Variants in NSMCE2 observed in about 807,000 individuals in gnomAD.
NSMCE2 encodes the protein NSE2 SUMO ligase component of SMC5/6 complex.
In NSMCE2, 24 loss-of-function variants were observed where a neutral mutation model predicts 23.8. The ratio of observed to expected loss-of-function variants is 1.01; its 90% confidence interval spans 0.73 to 1.42. The LOEUF is 1.42. NSMCE2 is among the 40% of genes most tolerant of loss of function. The pLI, the probability that NSMCE2 is intolerant of heterozygous loss-of-function variation, is 0.00. For missense variants in NSMCE2, 284 were observed against 296.5 expected (o/e 0.96, Z 0.31); for synonymous variants, 92 against 94.1 (o/e 0.98, Z 0.13).
In NSMCE2 at chr8:125,312,075, TA is replaced by T. The variant is rs56906621; in HGVS notation, c.419-45126del. Reference sequence around the variant, plus strand: ...AACAAGAGCAAAACTCCATCTCAATTAAAAAAAAAAAAAAAAAAGAAAGAAA... The same window carrying T: ...AACAAGAGCAAAACTCCATCTCAATTAAAAAAAAAAAAAAAAAGAAAGAAA... On this transcript the variant is annotated intron_variant, in intron 5 of 7. Transcript: ENST00000287437. Among the ~76,000 whole-genome samples the T allele has an allele frequency of 9.1e-3, 901 of 99,380 alleles. 5 individuals are homozygous for T. Among genetic ancestry groups the T allele is most frequent in the African/African-American group, 0.028 (694 of 25,068 alleles). The allele number at this position is 99,380 out of a possible 152,430, so 65.2% of individuals were successfully genotyped here. A position where few individuals can be genotyped will look rare whatever the true frequency, so the allele number is the denominator to read the frequency against.
chr8:125,182,255 ATG>A lies in NSMCE2; in HGVS notation c.418+1_418+2del. On this transcript the variant is annotated splice_donor_variant and coding_sequence_variant, in exon 5 of 8. Transcript: ENST00000287437. LOFTEE classifies it high-confidence loss of function. ...AACAGCTGAAAGAACTAAAGAAGCA[ATG>A]TAAGTCAACATGCTTTGCTTTGGTT... 1 of 1,599,436 alleles carries A rather than the reference ATG, an allele frequency of 6.3e-7. No individual in the cohort carries two copies. The highest frequency in any genetic ancestry group is 8.5e-7 in the Non-Finnish European group (1 of 1,174,270).
At chr8:125,236,093 G>A (rs1586652256) in intron 5 of NSMCE2, among the ~76,000 whole-genome samples, 2 of 152,298 alleles carry the variant, frequency 1.3e-5, no homozygotes, top group East Asian at 3.9e-4. Context: ...GAAAAGAGAA[G>A]GAATTAAAGG....
At chr8:125,269,693 C>G (rs955193533) in intron 5 of NSMCE2, among the ~76,000 whole-genome samples, 3 of 152,208 alleles carry the variant, frequency 2.0e-5, no homozygotes, top group Non-Finnish European at 4.4e-5. Flanking sequence ...CTGATTAAAC[C>G]TATAAGCTTG....
At chr8:125,169,659 T>C (rs1213769271) in intron 4 of NSMCE2, among the ~76,000 whole-genome samples, 2 of 152,204 alleles carry the variant, frequency 1.3e-5, no homozygotes, top group African/African-American at 4.8e-5. Context: ...GCACACTGGC[T>C]GCACACAGTT....
intron 7 of NSMCE2, among the ~76,000 whole-genome samples, chr8:125,362,513 G>A (rs539213088): frequency 1.4e-4 from 21 of 152,270 alleles, no homozygotes; most frequent in Non-Finnish European, 2.4e-4. Flanking sequence ...ACTGGTGCAC[G>A]GCAGGACCTG....
At chr8:125,190,649 A>G (rs1216668691) in intron 5 of NSMCE2, among the ~76,000 whole-genome samples, 1 of 152,172 alleles carries the variant, frequency 6.6e-6, no homozygotes, top group Non-Finnish European at 1.5e-5. Flanking sequence ...CTTTTTCTAC[A>G]TGTCCTTTAT....
chr8:125,308,931 G>A (rs542900024), intron 5 of NSMCE2, among the ~76,000 whole-genome samples: 51 of 152,182 alleles, frequency 3.4e-4, no homozygotes, highest in Non-Finnish European at 5.0e-4. Flanking sequence ...TGGGGCCAGC[G>A]TGCAGCTGTC....
chr8:125,124,554 A>G (rs1819423203), intron 3 of NSMCE2, among the ~76,000 whole-genome samples: 1 of 151,570 alleles, frequency 6.6e-6, no homozygotes, highest in African/African-American at 2.4e-5. Context: ...TCAACAGCTC[A>G]CTGTAGCCTC....
intron 3 of NSMCE2, chr8:125,130,252 C>T: frequency 2.2e-6 from 1 of 456,022 alleles, no homozygotes; most frequent in South Asian, 1.5e-5. Context: ...GGGCCCTTCT[C>T]ATCACGTCAT....
At chr8:125,252,400 G>A (rs1434834062) in intron 5 of NSMCE2, among the ~76,000 whole-genome samples, 6 of 152,254 alleles carry the variant, frequency 3.9e-5, no homozygotes, top group Non-Finnish European at 8.8e-5. Context: ...GGTGGTGGGT[G>A]CCTGTAGTCC....
At chr8:125,290,078 G>A (rs1207315121) in intron 5 of NSMCE2, among the ~76,000 whole-genome samples, 1 of 152,088 alleles carries the variant, frequency 6.6e-6, no homozygotes, top group Non-Finnish European at 1.5e-5. Context: ...GGAAAATGGG[G>A]AACTTCTAGA....
At chr8:125,333,889 G>A (rs1426181298) in intron 5 of NSMCE2, among the ~76,000 whole-genome samples, 1 of 152,122 alleles carries the variant, frequency 6.6e-6, no homozygotes, top group Non-Finnish European at 1.5e-5. Flanking sequence ...AAGGCCCAAG[G>A]AGAGGAGTAC....
At chr8:125,308,976 G>T (rs2131223487) in intron 5 of NSMCE2, among the ~76,000 whole-genome samples, 1 of 152,358 alleles carries the variant, frequency 6.6e-6, no homozygotes. Flanking sequence ...CGGGCACGGT[G>T]GCTTACGCCT....
At chr8:125,215,942 C>A (rs1016399516) in intron 5 of NSMCE2, among the ~76,000 whole-genome samples, 1 of 152,218 alleles carries the variant, frequency 6.6e-6, no homozygotes, top group Non-Finnish European at 1.5e-5. Context: ...TTGGCACACA[C>A]CTATTGTCCT....
intron 5 of NSMCE2, among the ~76,000 whole-genome samples, chr8:125,349,621 T>C (rs58650877): frequency 0.1 from 15,120 of 151,648 alleles, 1,553 homozygotes; most frequent in African/African-American, 0.27. Flanking sequence ...AAAGAAATGT[T>C]CCAGCCTAAT....
intron 5 of NSMCE2, among the ~76,000 whole-genome samples, chr8:125,318,219 G>A (rs1349047688): frequency 1.3e-5 from 2 of 152,162 alleles, no homozygotes; most frequent in African/African-American, 4.8e-5. Context: ...GGCCAGCCTG[G>A]GCAACACAGT....
At chr8:125,340,660 A>G (rs1322271358) in intron 5 of NSMCE2, among the ~76,000 whole-genome samples, 1 of 152,218 alleles carries the variant, frequency 6.6e-6, no homozygotes, top group African/African-American at 2.4e-5. Flanking sequence ...AAAATTAGAT[A>G]CAAGAGGCCA....
At chr8:125,264,121 G>A (rs1826814832) in intron 5 of NSMCE2, among the ~76,000 whole-genome samples, 1 of 152,144 alleles carries the variant, frequency 6.6e-6, no homozygotes, top group African/African-American at 2.4e-5. Context: ...GGTCCATGAG[G>A]GAGTCTCTCC....
At chr8:125,149,584 A>G (rs1423590822) in intron 3 of NSMCE2, among the ~76,000 whole-genome samples, 1 of 152,160 alleles carries the variant, frequency 6.6e-6, no homozygotes, top group Non-Finnish European at 1.5e-5. Context: ...TCTTTTCCTA[A>G]TCTATTAAAT....
Sources: gnomAD v4.1 joint callset for allele counts (sites outside exome capture counted in the v4.1 genomes callset) on GRCh38, gnomAD v4.1.1 for gene constraint, MANE v1.5 for transcripts, NCBI Gene and HGNC (gene_info 2026-07-23, HGNC 2026-07-21) for gene names.